The following FGF12 variants were observed in gnomAD, a reference collection of about 807,000 sequenced individuals.
FGF12 encodes the protein fibroblast growth factor 12B.
Under a neutral mutation model 23.6 loss-of-function variants are expected in FGF12, and 14 were observed. That is an observed-to-expected ratio of 0.59 (90% confidence interval 0.39 to 0.93). The LOEUF (loss-of-function observed/expected upper bound fraction) is 0.93. Ranked by LOEUF, FGF12 falls within the 40% of genes least tolerant of loss-of-function variation. The probability of loss-of-function intolerance (pLI) is 0.00; values close to 1 mark genes in which losing one functional copy is unlikely to be tolerated. For synonymous variants in FGF12, 62 were observed against 77.3 expected (o/e 0.80, Z 1.04); for missense variants, 175 against 217.8 (o/e 0.80, Z 1.24).
At position 192,408,888 on chromosome 3, in the gene FGF12, A is replaced by C; in HGVS notation, c.14-48350T>G. On this transcript the variant is annotated intron_variant, in intron 2 of 5. Coordinates refer to ENST00000445105, the MANE Select transcript of FGF12 (RefSeq NM_004113.6). This position sits in a 1 kb window ranked among gnomAD's most constrained non-coding sequence, Gnocchi z 7.3. Reference sequence around the variant, plus strand: ...TCCGTCCCAGCAGGGTGAGGTCTACAGAATGCATCGCGCCGGCTGCGGCTT... The same window carrying C: ...TCCGTCCCAGCAGGGTGAGGTCTACCGAATGCATCGCGCCGGCTGCGGCTT... 1 of 985,460 alleles carries C rather than the reference A, an allele frequency of 1.0e-6. No homozygotes were observed. 61.0% of individuals were successfully genotyped at this position (985,460 alleles called of 1,614,324 possible).
At chr3:192,726,736 T>G (rs1719227998) in intron 2 of FGF12, 1 of 195,434 alleles carries the variant, frequency 5.1e-6, no homozygotes, top group Non-Finnish European at 1.1e-5. Flanking sequence ...ACCATCTTCA[T>G]GAGGTGGGGG....
chr3:192,376,482 C>G (rs1490300606), intron 2 of FGF12, among the ~76,000 whole-genome samples: 5 of 152,074 alleles, frequency 3.3e-5, no homozygotes, highest in Non-Finnish European at 7.4e-5. Context: ...CCTGCCTCAG[C>G]CTCCCGAGTA....
At chr3:192,538,839 T>C (rs1016052135) in intron 2 of FGF12, among the ~76,000 whole-genome samples, 1 of 152,220 alleles carries the variant, frequency 6.6e-6, no homozygotes, top group African/African-American at 2.4e-5. Context: ...ATAGTTTTCA[T>C]TGTAGAAATC....
intron 4 of FGF12, among the ~76,000 whole-genome samples, chr3:192,246,855 AAGAGAG>A (rs778432144): frequency 1.7e-4 from 25 of 148,254 alleles, no homozygotes; most frequent in African/African-American, 6.2e-4. Flanking sequence ...AGAGAGAGGA[AAGAGAG>A]AGAGAGAGAA....
chr3:192,344,154 C>G (rs771542654), intron 3 of FGF12, among the ~76,000 whole-genome samples: 7 of 152,152 alleles, frequency 4.6e-5, no homozygotes, highest in African/African-American at 7.2e-5. Flanking sequence ...GAATGCTTCA[C>G]TGGATTGTTA....
chr3:192,226,608 T>G (rs1002658397), intron 4 of FGF12, among the ~76,000 whole-genome samples: 2 of 152,066 alleles, frequency 1.3e-5, no homozygotes, highest in African/African-American at 4.8e-5. Context: ...ACCCCTAAGG[T>G]GATGGTAACA....
chr3:192,309,703 T>C (rs1715837462), intron 4 of FGF12, among the ~76,000 whole-genome samples: 1 of 152,074 alleles, frequency 6.6e-6, no homozygotes. Flanking sequence ...CAGAGAGACA[T>C]GAGCACTGAC....
At chr3:192,623,617 A>G (rs897679281) in intron 2 of FGF12, among the ~76,000 whole-genome samples, 4 of 152,222 alleles carry the variant, frequency 2.6e-5, no homozygotes, top group African/African-American at 9.6e-5. Flanking sequence ...GAAGGAAACC[A>G]GACTTCCATT....
At chr3:192,324,077 G>A (rs2108684868) in intron 4 of FGF12, among the ~76,000 whole-genome samples, 1 of 151,920 alleles carries the variant, frequency 6.6e-6, no homozygotes, top group Middle Eastern at 3.4e-3. Context: ...GGGCGACAGA[G>A]CGAGACTGTC....
chr3:192,326,264 T>A (rs1054918875), intron 4 of FGF12, among the ~76,000 whole-genome samples: 14 of 152,154 alleles, frequency 9.2e-5, no homozygotes, highest in African/African-American at 3.4e-4. Context: ...GTGGAAGTTA[T>A]TTGGGGCTGC....
chr3:192,680,852 A>C (rs1717501895), intron 2 of FGF12, among the ~76,000 whole-genome samples: 1 of 152,196 alleles, frequency 6.6e-6, no homozygotes, highest in Non-Finnish European at 1.5e-5. Flanking sequence ...TCATAATAAT[A>C]AACAAAAGTG....
At chr3:192,675,063 G>A (rs1717275562) in intron 2 of FGF12, among the ~76,000 whole-genome samples, 1 of 152,186 alleles carries the variant, frequency 6.6e-6, no homozygotes, top group South Asian at 2.1e-4. Context: ...GGTGCAGAAA[G>A]AAAATGGGCA....
intron 4 of FGF12, among the ~76,000 whole-genome samples, chr3:192,266,401 G>A (rs1713080666): frequency 6.6e-6 from 1 of 152,034 alleles, no homozygotes; most frequent in Admixed American, 6.6e-5. Context: ...CAACCAACTG[G>A]GGGTATTTAA....
chr3:192,255,586 A>T (rs1178816667), intron 4 of FGF12, among the ~76,000 whole-genome samples: 2 of 152,108 alleles, frequency 1.3e-5, no homozygotes, highest in East Asian at 3.8e-4. Flanking sequence ...TCTGTTTTAC[A>T]TATCACATGT....
intron 2 of FGF12, among the ~76,000 whole-genome samples, chr3:192,415,240 A>G (rs971152391): frequency 6.6e-6 from 1 of 151,912 alleles, no homozygotes; most frequent in Non-Finnish European, 1.5e-5. Flanking sequence ...TTTTAGCCCT[A>G]CTCTAAGTCC....
At chr3:192,680,309 G>C (rs957574654) in intron 2 of FGF12, among the ~76,000 whole-genome samples, 5 of 152,172 alleles carry the variant, frequency 3.3e-5, no homozygotes, top group African/African-American at 1.2e-4. Context: ...CAAGATGACT[G>C]CTGCCGAAGG....
intron 2 of FGF12, among the ~76,000 whole-genome samples, chr3:192,504,534 A>T (rs1381469225): frequency 6.6e-6 from 1 of 152,062 alleles, no homozygotes; most frequent in Non-Finnish European, 1.5e-5. Flanking sequence ...CAGGGAAGAG[A>T]AAACTTTTGT....
intron 4 of FGF12, among the ~76,000 whole-genome samples, chr3:192,313,335 G>A (rs1341974957): frequency 1.3e-5 from 2 of 152,156 alleles, no homozygotes; most frequent in Non-Finnish European, 2.9e-5. Flanking sequence ...TGGATTTTCA[G>A]GAATAGCTAT....
At position 192,167,731 on chromosome 3, in the gene FGF12, GTATATATATATATA is replaced by G. The variant is rs11394352; in HGVS notation, c.427+2713_427+2726del. Among the ~76,000 whole-genome samples, 12 of 25,042 alleles carry G rather than the reference GTATATATATATATA, an allele frequency of 4.8e-4. 1 individual carries two copies. The highest frequency in any genetic ancestry group is 3.2e-3 in the East Asian group (2 of 622). 16.4% of individuals were successfully genotyped at this position (25,042 alleles called of 152,430 possible). On this transcript the variant is annotated intron_variant, in intron 5 of 5. Coordinates refer to ENST00000445105, the MANE Select transcript of FGF12 (RefSeq NM_004113.6). ...CTAAAATTAGGAGGGTAGGTTATAG[GTATATATATATATA>G]TATATATATATATATATATATATAA...
Sources: allele counts gnomAD v4.1 joint callset (sites outside exome capture counted in the v4.1 genomes callset), GRCh38; gene constraint gnomAD v4.1.1; non-coding constraint Gnocchi (gnomAD v3.1); transcripts MANE v1.5; gene names NCBI Gene and HGNC (gene_info 2026-07-23, HGNC 2026-07-21).